Variants in CAP2 observed in about 807,000 individuals in gnomAD.
The protein encoded by CAP2 is adenylyl cyclase-associated protein 2.
CAP2 carries 24 observed loss-of-function variants against 57.7 expected under a neutral mutation model. The ratio of observed to expected loss-of-function variants is 0.42; its 90% CI spans 0.30 to 0.58. CAP2 has a LOEUF of 0.58. Ranked by LOEUF, CAP2 falls within the 20% of genes least tolerant of loss-of-function variation. CAP2 has a pLI of 0.22. For missense variants in CAP2, 501 were observed against 590.3 expected, an observed-to-expected ratio of 0.85 and a Z score of 1.57; for synonymous variants, 194 against 207.2, an observed-to-expected ratio of 0.94 and a Z score of 0.55.
chr6:17,401,235 ACCAAGGGAGACCCTTTGCTCCTTTCG>A (rs1758807654), intron 1 of CAP2, among the ~76,000 whole-genome samples: 1 of 152,202 alleles, frequency 6.6e-6, no homozygotes, highest in Non-Finnish European at 1.5e-5. Context: ...ATGAAAGAGA[ACCAAGGGAGACCCTTTGCTCCTTTCG>A]CCAAGTAAGG....
At chr6:17,464,962 C>G (rs1760823359) in intron 4 of CAP2, among the ~76,000 whole-genome samples, 1 of 152,186 alleles carries the variant, frequency 6.6e-6, no homozygotes, top group African/African-American at 2.4e-5. Context: ...CTTCCCTAAG[C>G]CTCAGAACAA....
intron 3 of CAP2, among the ~76,000 whole-genome samples, chr6:17,436,101 C>T (rs1759880128): frequency 5.3e-5 from 8 of 150,242 alleles, no homozygotes; most frequent in African/African-American, 1.7e-4. Flanking sequence ...TTCCTTCCTT[C>T]CTTCCTTCCT....
At chr6:17,544,359 GT>G (rs1263340186) in intron 11 of CAP2, among the ~76,000 whole-genome samples, 1 of 152,064 alleles carries the variant, frequency 6.6e-6, no homozygotes, top group African/African-American at 2.4e-5. Flanking sequence ...AAGAGGAAAA[GT>G]TTTTCTAAAG....
chr6:17,531,631 T>G, intron 7 of CAP2: 1 of 1,207,016 alleles, frequency 8.3e-7, no homozygotes, highest in Non-Finnish European at 1.2e-6. Context: ...CTTCTACACC[T>G]TCCATGGTTC....
chr6:17,498,401 C>G (rs537049399), intron 4 of CAP2, among the ~76,000 whole-genome samples: 1 of 152,058 alleles, frequency 6.6e-6, no homozygotes, highest in Admixed American at 6.6e-5. Context: ...GGCATTTTAC[C>G]CTATGATTTG....
At chr6:17,523,387 G>A (rs182428560) in intron 7 of CAP2, among the ~76,000 whole-genome samples, 71 of 152,252 alleles carry the variant, frequency 4.7e-4, no homozygotes, top group African/African-American at 1.6e-3. Context: ...TTTGAGGTGC[G>A]GGAGGTATAG....
At chr6:17,462,775 A>G (rs1364816330) in intron 3 of CAP2, among the ~76,000 whole-genome samples, 2 of 152,190 alleles carry the variant, frequency 1.3e-5, no homozygotes, top group African/African-American at 4.8e-5. Flanking sequence ...GTATGGATAT[A>G]TCACATTTTG....
intron 9 of CAP2, 99 bp downstream of exon 9, chr6:17,541,247 A>C: frequency 1.1e-6 from 1 of 872,032 alleles, no homozygotes; most frequent in Non-Finnish European, 1.8e-6. Context: ...CTTTTTTTTA[A>C]TTTTTGTATT....
intron 3 of CAP2, among the ~76,000 whole-genome samples, chr6:17,442,125 G>A (rs974958326): frequency 3.9e-5 from 6 of 152,118 alleles, no homozygotes; most frequent in African/African-American, 1.4e-4. Flanking sequence ...TTCTTTGGTC[G>A]AGTAAGTCAG....
intron 11 of CAP2, among the ~76,000 whole-genome samples, chr6:17,549,184 C>T (rs1483559852): frequency 1.3e-5 from 2 of 152,164 alleles, no homozygotes; most frequent in African/African-American, 4.8e-5. Flanking sequence ...AAAAAGGCTG[C>T]TGGGCGCGGT....
intron 11 of CAP2, 83 bp from the exon 12 acceptor site, chr6:17,551,381 A>C: frequency 8.6e-7 from 1 of 1,166,976 alleles, no homozygotes; most frequent in African/African-American, 1.5e-5. Context: ...GCTAAAGCCA[A>C]GAGGAATTGA....
intron 8 of CAP2, among the ~76,000 whole-genome samples, chr6:17,540,578 C>A (rs1762875417): frequency 1.3e-5 from 2 of 152,018 alleles, no homozygotes; most frequent in African/African-American, 2.4e-5. Flanking sequence ...ATGGTGAAAC[C>A]CCATCTCTAC....
In CAP2 at chr6:17,556,460, C is replaced by A; in HGVS notation, c.*18C>A. ...TGGCCTAACTTCCTGAGAGACCGAA[C>A]CCCCTCACCTGAATCCCCCTCTATC... is the stretch of plus-strand genomic sequence containing the variant. On this transcript the variant is annotated 3_prime_UTR_variant, in exon 13 of 13. Transcript: ENST00000229922. 3 of 1,546,228 alleles carry A rather than the reference C, an allele frequency of 1.9e-6. No individual in the cohort carries two copies. The highest frequency in any genetic ancestry group is 1.8e-6 in the Non-Finnish European group (2 of 1,118,024).
intron 3 of CAP2, among the ~76,000 whole-genome samples, chr6:17,449,556 A>G (rs1052674892): frequency 2.2e-4 from 33 of 151,796 alleles, no homozygotes; most frequent in African/African-American, 7.5e-4. Context: ...ACAGGTGCCC[A>G]CCACCATGCT....
chr6:17,490,207 A>G (rs1039095052), intron 4 of CAP2, among the ~76,000 whole-genome samples: 4 of 152,152 alleles, frequency 2.6e-5, no homozygotes, highest in African/African-American at 9.7e-5. Flanking sequence ...CTGAACTTTT[A>G]CCATATGTTA....
At chr6:17,441,935 T>TA (rs558022041) in intron 3 of CAP2, among the ~76,000 whole-genome samples, 153 of 149,788 alleles carry the variant, frequency 1.0e-3, no homozygotes, top group African/African-American at 1.8e-3. Flanking sequence ...AATTTAAAAT[T>TA]AAAAAAAAAA....
intron 7 of CAP2, chr6:17,531,014 C>T (rs1762625615): frequency 1.9e-6 from 2 of 1,062,092 alleles, no homozygotes; most frequent in South Asian, 2.5e-5. Context: ...ATTTGAAGGG[C>T]CACAGGAAGT....
At chr6:17,451,241 A>T (rs202199913) in intron 3 of CAP2, among the ~76,000 whole-genome samples, 3,388 of 151,642 alleles carry the variant, frequency 0.022, 36 homozygotes, top group Admixed American at 0.039. Flanking sequence ...CAAAAAAAAA[A>T]AATAATAATA....
intron 7 of CAP2, among the ~76,000 whole-genome samples, chr6:17,522,163 C>T (rs1266498478): frequency 6.6e-6 from 1 of 152,068 alleles, no homozygotes; most frequent in Non-Finnish European, 1.5e-5. Context: ...CAGGCCCCAC[C>T]TCAGCCCTCC....
Sources: allele counts gnomAD v4.1 joint callset (sites outside exome capture counted in the v4.1 genomes callset), GRCh38; gene constraint gnomAD v4.1.1; transcripts MANE v1.5; gene names NCBI Gene and HGNC (gene_info 2026-07-23, HGNC 2026-07-21).